Variants in PTDSS2 observed in about 807,000 individuals in gnomAD.
The protein encoded by PTDSS2 is PSS-2.
Under a neutral mutation model 64.7 loss-of-function variants are expected in PTDSS2, and 41 were observed. The observed-to-expected ratio is 0.63, with a 90% CI of 0.49 to 0.82. PTDSS2 has a LOEUF of 0.82. Ranked by LOEUF, PTDSS2 falls within the 40% of genes least tolerant of loss-of-function variation. PTDSS2 has a pLI of 0.00. For synonymous variants in PTDSS2, 297 were observed against 277.8 expected, an observed-to-expected ratio of 1.07 and a Z score of -0.69; for missense variants, 485 against 650.0, an observed-to-expected ratio of 0.75 and a Z score of 2.76.
intron 2 of PTDSS2, among the ~76,000 whole-genome samples, chr11:464,868 T>C (rs1372589651): frequency 2.0e-5 from 3 of 152,240 alleles, no homozygotes; most frequent in Non-Finnish European, 4.4e-5. Context: ...TTACTTGTAA[T>C]ACATATAAAA....
chr11:459,064 C>T (rs191817286), intron 1 of PTDSS2: 2,204 of 145,372 alleles, frequency 0.015, 26 homozygotes, highest in Admixed American at 0.023. Flanking sequence ...GGACACACTC[C>T]GGTGAATGTA....
chr11:485,050 G>T (rs1257138402), intron 4 of PTDSS2, among the ~76,000 whole-genome samples: 1 of 138,924 alleles, frequency 7.2e-6, no homozygotes, highest in Admixed American at 7.1e-5. Flanking sequence ...CACTGTGTGC[G>T]CAGGCGAGTG....
At position 476,423 on chromosome 11, in the gene PTDSS2, C is replaced by T. The variant is rs982768231; in HGVS notation, c.367+2446C>T. 2.6e-5 allele frequency among the ~76,000 whole-genome samples: 4 copies of T among 152,160 alleles called. No homozygotes were observed. The highest frequency in any genetic ancestry group is 9.7e-5 in the African/African-American group (4 of 41,430). ...CACAGTGAAAAGCCTGGTGCAGTTACGTGCTTGTTGGGTGGATTTGGAGGG... is the reference window on the plus strand; with the variant it reads ...CACAGTGAAAAGCCTGGTGCAGTTATGTGCTTGTTGGGTGGATTTGGAGGG... On this transcript the variant is annotated intron_variant, in intron 3 of 11. Coordinates refer to ENST00000308020, the MANE Select transcript of PTDSS2 (RefSeq NM_030783.3). This position sits in a 1 kb window ranked among gnomAD's most constrained non-coding sequence, Gnocchi z 4.9.
chr11:464,554 C>T (rs892423566), intron 2 of PTDSS2, among the ~76,000 whole-genome samples: 5 of 152,332 alleles, frequency 3.3e-5, no homozygotes, highest in Admixed American at 1.3e-4. Flanking sequence ...TCTGTGCTGC[C>T]GGCCCCGGCT....
rs760581091 is a variant in PTDSS2 at position 489,778 on chromosome 11, G to T, written c.1115+45G>T. 8.8e-6 allele frequency: 14 copies of T among 1,584,598 alleles called. No individual in the cohort carries two copies. The East Asian group carries it at 2.7e-4, about 31-fold the overall frequency. On this transcript the variant is annotated intron_variant, in intron 10 of 11. Transcript: ENST00000308020. ...GGGTGGAGACACCCCCGGGGGGCAG[G>T]GGCCGGAGGGCTGGGGAGCAGAGCC...
At chr11:481,690 T>TCTTG (rs1348153261) in intron 4 of PTDSS2, among the ~76,000 whole-genome samples, 2 of 152,234 alleles carry the variant, frequency 1.3e-5, no homozygotes, top group African/African-American at 4.8e-5. Context: ...TGTGTACTGA[T>TCTTG]CTTGCGTCCT....
Position 490,881 on chromosome 11 carries a change from T to C in PTDSS2, c.*299T>C, listed in dbSNP as rs964246457. On this transcript the variant is annotated 3_prime_UTR_variant, in exon 12 of 12. Transcript: ENST00000308020. Reference sequence around the variant, plus strand: ...CTGGGCTCCGAGGCTTCTCCAGAGCTGGGAGCTGGCTGGCGTGGCAAGGGC... The same window carrying C: ...CTGGGCTCCGAGGCTTCTCCAGAGCCGGGAGCTGGCTGGCGTGGCAAGGGC... The C allele has an allele frequency of 9.9e-6, 4 of 402,102 alleles. No homozygotes were observed. Among genetic ancestry groups the C allele is most frequent in the Non-Finnish European group, 1.8e-5 (4 of 223,558 alleles). 24.9% of individuals were successfully genotyped at this position (402,102 alleles called of 1,614,324 possible). A position where few individuals can be genotyped will look rare whatever the true frequency, so the allele number is the denominator to read the frequency against.
At chr11:455,883 G>A (rs1464905316) in intron 1 of PTDSS2, among the ~76,000 whole-genome samples, 1 of 152,238 alleles carries the variant, frequency 6.6e-6, no homozygotes, top group African/African-American at 2.4e-5. Flanking sequence ...AACGCAGGCT[G>A]TGTCTTCTCC....
intron 4 of PTDSS2, among the ~76,000 whole-genome samples, chr11:485,418 C>T (rs1356144190): frequency 2.1e-5 from 3 of 144,712 alleles, no homozygotes; most frequent in Non-Finnish European, 4.5e-5. Flanking sequence ...AAACAGTGCA[C>T]GGACGCGTGT....
upstream of PTDSS2, among the ~76,000 whole-genome samples, chr11:449,021 G>A (rs913708773): frequency 6.6e-5 from 10 of 151,476 alleles, no homozygotes; most frequent in South Asian, 1.5e-3. Context: ...TCATACAAAT[G>A]GATCACATAA....
chr11:484,835 AGT>A (rs1431312041), intron 4 of PTDSS2, among the ~76,000 whole-genome samples: 1 of 126,020 alleles, frequency 7.9e-6, no homozygotes, highest in Non-Finnish European at 1.6e-5. Context: ...TGCGCAGGCG[AGT>A]GTAAACAGTG....
chr11:463,382 A>G (rs981621841), intron 2 of PTDSS2: 1 of 141,456 alleles, frequency 7.1e-6, no homozygotes, highest in Non-Finnish European at 1.5e-5. Context: ...GCCCACCACC[A>G]TGCCCAGACA....
intron 3 of PTDSS2, among the ~76,000 whole-genome samples, chr11:475,131 C>T (rs1342775377): frequency 2.7e-5 from 4 of 150,514 alleles, no homozygotes; most frequent in Non-Finnish European, 4.4e-5. Flanking sequence ...CGGACATATT[C>T]ACGCGTTTGT....
Position 460,123 on chromosome 11 carries a change from T to TA in PTDSS2, c.183-63dup. 7.6e-7 allele frequency: 1 copy of TA among 1,318,244 alleles called. No homozygotes were observed. Among genetic ancestry groups the TA allele is most frequent in the Admixed American group, 1.7e-5 (1 of 57,194 alleles). 81.7% of individuals were successfully genotyped at this position (1,318,244 alleles called of 1,614,324 possible). On this transcript the variant is annotated intron_variant, in intron 1 of 11. Transcript: ENST00000308020. This position sits in a 1 kb window ranked among gnomAD's most constrained non-coding sequence, Gnocchi z 5.8. ...GACGTAGAGAGGATTTGGGGCCTGT[T>TA]ACGTGAGTATTTAGCAATGCTGCCC...
chr11:465,817 C>G (rs910013241), intron 2 of PTDSS2, among the ~76,000 whole-genome samples: 13 of 151,276 alleles, frequency 8.6e-5, no homozygotes, highest in African/African-American at 3.2e-4. Context: ...TAGTACATGC[C>G]TGTGGTTCCA....
At chr11:456,204 A>C (rs1590608209) in intron 1 of PTDSS2, among the ~76,000 whole-genome samples, 6 of 115,266 alleles carry the variant, frequency 5.2e-5, no homozygotes, top group Admixed American at 1.2e-4. Flanking sequence ...ACAGAATCTC[A>C]CTCTGTCACC....
In PTDSS2 at chr11:460,109, G is replaced by A. The variant is rs1846806445; in HGVS notation, c.183-78G>A. The A allele has an allele frequency of 6.1e-6, 7 of 1,141,532 alleles. No homozygotes were observed. The South Asian group carries it at 6.4e-5, about 10-fold the overall frequency. The allele number at this position is 1,141,532 out of a possible 1,614,324, so 70.7% of individuals were successfully genotyped here. On this transcript the variant is annotated intron_variant, in intron 1 of 11. Transcript: ENST00000308020. The surrounding 1 kb of genome is among the most constrained non-coding windows in gnomAD (Gnocchi z 5.8). The stretch of plus-strand genomic sequence containing the variant: ...TAAGCCCTCTCCTTGACGTAGAGAG[G>A]ATTTGGGGCCTGTTACGTGAGTATT...
chr11:451,404 CT>C, intron 1 of PTDSS2: 1 of 448,920 alleles, frequency 2.2e-6, no homozygotes, highest in Non-Finnish European at 4.5e-6. Context: ...TGGGCTGGCC[CT>C]TTGCCGATGC....
intron 1 of PTDSS2, among the ~76,000 whole-genome samples, chr11:458,448 G>A (rs1159638985): frequency 2.7e-5 from 4 of 149,374 alleles, no homozygotes; most frequent in South Asian, 4.2e-4. Flanking sequence ...CTCGTGATCC[G>A]CCCGCCTCGG....
Sources: gnomAD v4.1 joint callset for allele counts (sites outside exome capture counted in the v4.1 genomes callset) on GRCh38, gnomAD v4.1.1 for gene constraint, Gnocchi (gnomAD v3.1) non-coding constraint, MANE v1.5 for transcripts, NCBI Gene and HGNC (gene_info 2026-07-23, HGNC 2026-07-21) for gene names.